CHCHD6: variants seen among roughly 807,000 people sequenced by gnomAD.
The protein encoded by CHCHD6 is coiled-coil-helix-coiled-coil-helix domain containing 6, also known as MICOS complex subunit MIC25.
In CHCHD6, 28 loss-of-function variants were observed where a neutral mutation model predicts 32.3. That is an observed-to-expected ratio of 0.87 (90% confidence interval 0.64 to 1.19). The LOEUF is 1.19. Ranked by LOEUF, CHCHD6 falls within the 50% of genes most tolerant of loss-of-function variation. CHCHD6 has a pLI of 0.00. For missense variants in CHCHD6, 333 were observed against 307.0 expected, an observed-to-expected ratio of 1.08 and a Z score of -0.63; for synonymous variants, 122 against 117.5, an observed-to-expected ratio of 1.04 and a Z score of -0.25.
intron 4 of CHCHD6, chr3:126,766,706 T>G (rs1263421663): frequency 6.2e-6 from 7 of 1,124,502 alleles, no homozygotes; most frequent in African/African-American, 1.5e-5. Context: ...CTCTGGATTA[T>G]CCAGCCACAG....
intron 5 of CHCHD6, among the ~76,000 whole-genome samples, chr3:126,893,067 C>CA (rs2077787949): frequency 1.3e-5 from 2 of 152,036 alleles, no homozygotes. Flanking sequence ...CACCTGGGTT[C>CA]AAGTGATTCT....
Position 126,957,420 on chromosome 3 carries a change from C to T in CHCHD6, c.571C>T (p.Arg191Cys), listed in dbSNP as rs775129494. 5.3e-5 allele frequency: 86 copies of T among 1,610,702 alleles called. 1 individual carries two copies. The highest frequency in any genetic ancestry group is 3.6e-4 in the Middle Eastern group (2 of 5,614). The change falls in exon 7 of 8, where the codon CGC becomes TGC. Residue 191 changes from arginine to cysteine, a missense_variant. Transcript: ENST00000290913. ...ASKMESTIKP[R>C]RVEPVCSGLQ... is the part of the protein sequence containing the mutation. ...GCCTGCTCTTGTCTTCTGCAGGCCC[C>T]GCAGGGTGGAGCCCGTCTGCTCAGG...
At chr3:126,949,621 C>T (rs13092180) in intron 6 of CHCHD6, 1 of 59,936 alleles carries the variant, frequency 1.7e-5, no homozygotes, top group Admixed American at 2.0e-4. Context: ...AGGCTGCTGC[C>T]CGGACTGCCG....
At position 126,778,725 on chromosome 3, in the gene CHCHD6, A is replaced by G. The variant is rs938054109; in HGVS notation, c.411+45503A>G. Among the ~76,000 whole-genome samples, 3 of 151,988 alleles carry G rather than the reference A, an allele frequency of 2.0e-5. No individual in the cohort carries two copies. The South Asian group carries it at 6.2e-4, about 32-fold the overall frequency. On this transcript the variant is annotated intron_variant, in intron 4 of 7. Coordinates refer to ENST00000290913, the MANE Select transcript of CHCHD6 (RefSeq NM_032343.3). ...ACATTTCCTGGGTTTCTTTTCACTT[A>G]CTTGATAGTGTCCTTTGAAGCACAA...
intron 5 of CHCHD6, among the ~76,000 whole-genome samples, chr3:126,872,430 A>G (rs1297092712): frequency 6.6e-6 from 1 of 152,162 alleles, no homozygotes; most frequent in Non-Finnish European, 1.5e-5. Flanking sequence ...ATACCTCGTA[A>G]TCACCTGAAG....
At chr3:126,927,922 C>G (rs2078348181) in intron 6 of CHCHD6, among the ~76,000 whole-genome samples, 1 of 152,234 alleles carries the variant, frequency 6.6e-6, no homozygotes, top group African/African-American at 2.4e-5. Context: ...GGGAGCAGCC[C>G]TCATCACAGA....
intron 1 of CHCHD6, among the ~76,000 whole-genome samples, chr3:126,710,548 G>A (rs1400840987): frequency 6.6e-6 from 1 of 152,138 alleles, no homozygotes. Context: ...TTAGCAACAT[G>A]GAGTCTGCCA....
At chr3:126,831,752 A>G (rs982263102) in intron 4 of CHCHD6, among the ~76,000 whole-genome samples, 2 of 152,234 alleles carry the variant, frequency 1.3e-5, no homozygotes, top group African/African-American at 4.8e-5. Flanking sequence ...GACTCTGCCA[A>G]TACTGAAGAA....
intron 6 of CHCHD6, among the ~76,000 whole-genome samples, chr3:126,933,333 G>A (rs2107599540): frequency 6.6e-6 from 1 of 152,258 alleles, no homozygotes; most frequent in South Asian, 2.1e-4. Flanking sequence ...TGAATGAATG[G>A]CTCAGGAAGC....
At chr3:126,831,640 G>T (rs1016684422) in intron 4 of CHCHD6, among the ~76,000 whole-genome samples, 1 of 152,212 alleles carries the variant, frequency 6.6e-6, no homozygotes, top group African/African-American at 2.4e-5. Flanking sequence ...CGTGTTTACG[G>T]TTGGACTCAG....
intron 5 of CHCHD6, among the ~76,000 whole-genome samples, chr3:126,856,532 C>T (rs1203075097): frequency 6.6e-6 from 1 of 152,246 alleles, no homozygotes; most frequent in African/African-American, 2.4e-5. Flanking sequence ...TCCCACTGCA[C>T]ACCTGGCTCC....
At chr3:126,732,233 C>T (rs1389153137) in intron 3 of CHCHD6, among the ~76,000 whole-genome samples, 1 of 152,128 alleles carries the variant, frequency 6.6e-6, no homozygotes, top group Admixed American at 6.5e-5. Context: ...ATAGACTCAT[C>T]ATCTCAAGAC....
intron 6 of CHCHD6, among the ~76,000 whole-genome samples, chr3:126,928,592 G>A (rs560872229): frequency 6.6e-6 from 1 of 152,206 alleles, no homozygotes; most frequent in East Asian, 1.9e-4. Context: ...ATAACTGTTG[G>A]TCACTGGTTT....
At chr3:126,883,017 A>G (rs2077631731) in intron 5 of CHCHD6, among the ~76,000 whole-genome samples, 1 of 152,210 alleles carries the variant, frequency 6.6e-6, no homozygotes, top group Non-Finnish European at 1.5e-5. Context: ...GCTGAAGTTA[A>G]GTTGATGGCT....
rs1470890756 is a variant in CHCHD6, at chr3:126,704,375, G to T, written c.63G>T (p.Arg21=). Residue 21 remains arginine (R), a synonymous_variant, in exon 1 of 8, where the codon CGG becomes CGT. Transcript: ENST00000290913. ...CCTTCGGAGTGGACGAGGAGGAGCGGGTCCGGGTGCTGCAGGGTGTCCGGG... is the reference window on the plus strand; with the variant it reads ...CCTTCGGAGTGGACGAGGAGGAGCGTGTCCGGGTGCTGCAGGGTGTCCGGG... ...RVSFGVDEEE[R]VRVLQGVRLS... The T allele has an allele frequency of 6.3e-7, 1 of 1,575,316 alleles. No homozygotes were observed. The highest frequency in any genetic ancestry group is 8.6e-7 in the Non-Finnish European group (1 of 1,161,780).
intron 4 of CHCHD6, among the ~76,000 whole-genome samples, chr3:126,740,967 T>C (rs1418253744): frequency 6.6e-6 from 1 of 152,234 alleles, no homozygotes; most frequent in East Asian, 1.9e-4. Context: ...GGTCATGGGA[T>C]TGAGAGTCTG....
At chr3:126,794,442 TTA>T (rs955819722) in intron 4 of CHCHD6, among the ~76,000 whole-genome samples, 1 of 149,002 alleles carries the variant, frequency 6.7e-6, no homozygotes, top group African/African-American at 2.4e-5. Context: ...ACATATATGT[TTA>T]TATATATATT....
chr3:126,938,936 G>T (rs545905195), intron 6 of CHCHD6, among the ~76,000 whole-genome samples: 1 of 152,342 alleles, frequency 6.6e-6, no homozygotes, highest in East Asian at 1.9e-4. Context: ...TTGCTATTTG[G>T]TACTCTTTTT....
At chr3:126,941,595 G>T (rs571095274) in intron 6 of CHCHD6, among the ~76,000 whole-genome samples, 2 of 152,282 alleles carry the variant, frequency 1.3e-5, no homozygotes, top group African/African-American at 4.8e-5. Context: ...AGTACATCCA[G>T]TTCTATCAAA....
Sources: gnomAD v4.1 joint callset for allele counts (sites outside exome capture counted in the v4.1 genomes callset) on GRCh38, gnomAD v4.1.1 for gene constraint, MANE v1.5 for transcripts, NCBI Gene and HGNC (gene_info 2026-07-23, HGNC 2026-07-21) for gene names.